The following MICAL3 variants were observed in gnomAD, a reference collection of about 807,000 sequenced individuals.
The protein encoded by MICAL3 is [F-actin]-monooxygenase MICAL3.
A neutral mutation model predicts 207.4 loss-of-function variants in MICAL3; 62 were observed. That is an observed-to-expected ratio of 0.30 (90% CI 0.24 to 0.37). MICAL3 has a LOEUF of 0.37. MICAL3 is among the 10% of genes least tolerant of loss of function. The pLI is 1.00. For missense variants in MICAL3, 2,368 were observed against 2,635.6 expected, an observed-to-expected ratio of 0.90 and a Z score of 2.22; for synonymous variants, 1,077 against 1,069.3, an observed-to-expected ratio of 1.01 and a Z score of -0.14.
intron 1 of MICAL3, among the ~76,000 whole-genome samples, chr22:17,948,353 C>T (rs1366367742): frequency 6.6e-6 from 1 of 152,198 alleles, no homozygotes; most frequent in Admixed American, 6.5e-5. Context: ...TGGACTCCAC[C>T]TCTTGGTAGC....
In MICAL3 at chr22:17,949,368, G is replaced by A. The variant is rs115146452; in HGVS notation, c.-74-42482C>T. 4.2e-3 allele frequency among the ~76,000 whole-genome samples: 642 copies of A among 152,080 alleles called. 4 individuals are homozygous for A. Among genetic ancestry groups the A allele is most frequent in the African/African-American group, 0.014 (599 of 41,454 alleles). ...CCTGCATTATCTCATTTTATCTTCCGAGCAACATTATGAGTATAATGTTAC... is the reference window on the plus strand; with the variant it reads ...CCTGCATTATCTCATTTTATCTTCCAAGCAACATTATGAGTATAATGTTAC... On this transcript the variant is annotated intron_variant, in intron 1 of 31. Coordinates refer to ENST00000441493, the MANE Select transcript of MICAL3 (RefSeq NM_015241.3).
chr22:17,808,762 T>A lies in MICAL3; in HGVS notation c.5650+82A>T. On this transcript the variant is annotated intron_variant, in intron 29 of 31. Transcript: ENST00000441493. ...GCTGGAAAAGGAGCTGAATTCCAGG[T>A]GAGGTGAAGCAAAACTAGCCTACCA... 10 of 1,137,700 alleles carry A rather than the reference T, an allele frequency of 8.8e-6. No homozygotes were observed. The South Asian group carries it at 1.4e-4, about 16-fold the overall frequency. 70.5% of individuals were successfully genotyped at this position (1,137,700 alleles called of 1,614,324 possible). A position where few individuals can be genotyped will look rare whatever the true frequency, so the allele number is the denominator to read the frequency against.
chr22:18,002,667 C>T (rs1012590430), intron 1 of MICAL3, among the ~76,000 whole-genome samples: 6 of 151,954 alleles, frequency 3.9e-5, no homozygotes, highest in African/African-American at 9.7e-5. Context: ...GCGAATTGAA[C>T]CAAATATATC....
chr22:17,820,026 G>A (rs1167112611), intron 25 of MICAL3, among the ~76,000 whole-genome samples: 1 of 151,002 alleles, frequency 6.6e-6, no homozygotes, highest in Non-Finnish European at 1.5e-5. Context: ...CAGCACTTTG[G>A]GAGGCTGAGG....
At chr22:17,864,842 T>C (rs1174138923) in intron 19 of MICAL3, 57 bp downstream of exon 19, 3 of 1,613,812 alleles carry the variant, frequency 1.9e-6, no homozygotes, top group Admixed American at 3.3e-5. Context: ...CCCTTGGCCT[T>C]GTCACAGAGG....
intron 1 of MICAL3, chr22:18,019,805 GATTTTT>G (rs1260141325): frequency 0.053 from 6,719 of 127,938 alleles, 298 homozygotes; most frequent in Non-Finnish European, 0.077. Flanking sequence ...GAATGCTGCT[GATTTTT>G]TTTTTTTTTT....
At chr22:17,843,014 G>A (rs1032048763) in intron 19 of MICAL3, among the ~76,000 whole-genome samples, 2 of 151,610 alleles carry the variant, frequency 1.3e-5, no homozygotes, top group African/African-American at 4.8e-5. Flanking sequence ...CCAGCTACTC[G>A]GGAGGCTGAA....
At chr22:17,926,430 T>G (rs1254795420) in intron 1 of MICAL3, among the ~76,000 whole-genome samples, 3 of 152,222 alleles carry the variant, frequency 2.0e-5, no homozygotes, top group Non-Finnish European at 2.9e-5. Flanking sequence ...TTTATGCCAC[T>G]TTCTAAGTAA....
In MICAL3 at chr22:17,881,246, G is replaced by A. The variant is rs764389769; in HGVS notation, c.2241+4632C>T. On this transcript the variant is annotated intron_variant, in intron 16 of 31. Coordinates refer to ENST00000441493, the MANE Select transcript of MICAL3 (RefSeq NM_015241.3). ...GCCCGACAGGGAGGTGGAGTAGGGG[G>A]AGGAGACAGGGTGATCACTTTTTTG... The A allele has an allele frequency of 5.0e-6, 8 of 1,612,566 alleles. No homozygotes were observed. In the East Asian group the frequency reaches 1.6e-4, roughly 31 times the overall value.
chr22:17,846,414 C>A (rs557216817), intron 19 of MICAL3, among the ~76,000 whole-genome samples: 15 of 152,042 alleles, frequency 9.9e-5, no homozygotes, highest in African/African-American at 3.4e-4. Context: ...AAACCACACG[C>A]ACAAACACAT....
intron 1 of MICAL3, among the ~76,000 whole-genome samples, chr22:17,967,497 C>CACACCCAT: frequency 6.6e-6 from 1 of 151,034 alleles, no homozygotes; most frequent in Admixed American, 6.6e-5. Context: ...CACACACCCA[C>CACACCCAT]ACACACCCAC....
chr22:17,913,005 T>C (rs1450928138), intron 1 of MICAL3, among the ~76,000 whole-genome samples: 2 of 152,354 alleles, frequency 1.3e-5, no homozygotes, highest in South Asian at 2.1e-4. Flanking sequence ...TTTCTTCTAT[T>C]CCTAGTCTGG....
At chr22:17,856,948 C>T (rs924362577) in intron 19 of MICAL3, among the ~76,000 whole-genome samples, 1 of 152,176 alleles carries the variant, frequency 6.6e-6, no homozygotes, top group Non-Finnish European at 1.5e-5. Context: ...AAAGAACCTA[C>T]TGACCTAGTC....
chr22:17,841,683 A>G lies in MICAL3; in HGVS notation c.2801+139T>C. 1.3e-6 allele frequency: 1 copy of G among 787,668 alleles called. No individual in the cohort carries two copies. The highest frequency in any genetic ancestry group is 2.0e-6 in the Non-Finnish European group (1 of 492,184). 48.8% of individuals were successfully genotyped at this position (787,668 alleles called of 1,614,324 possible). On this transcript the variant is annotated intron_variant, in intron 20 of 31. Transcript: ENST00000441493. The surrounding 1 kb of genome is among the most constrained non-coding windows in gnomAD (Gnocchi z 4.2). ...TAGAAGATGAGGCTAAGAACCTAAA[A>G]GGGACTGGGGAGAATGGACTGCGGG... is the stretch of plus-strand genomic sequence containing the variant.
chr22:17,909,328 A>C (rs888814154), intron 1 of MICAL3, among the ~76,000 whole-genome samples: 2 of 152,156 alleles, frequency 1.3e-5, no homozygotes, highest in African/African-American at 4.8e-5. Flanking sequence ...GTTCAAGACC[A>C]GCCTGGCCAA....
rs11541675 is a variant in MICAL3, at chr22:17,817,511, T to A, written c.5150A>T (p.Glu1717Val). 6.0e-5 allele frequency: 97 copies of A among 1,613,612 alleles called. No homozygotes were observed. The Admixed American group carries it at 1.6e-3, about 26-fold the overall frequency. The change falls in exon 26 of 32, where the codon GAG (glutamate) becomes GTG (valine). Residue 1717 changes from glutamate to valine, a missense_variant. By Grantham distance (121) the Glu-to-Val change is moderately radical. Around this residue, in one of 4 missense-constraint regions of MICAL3, gnomAD observed 1,770 missense variants for 1,863.2 expected, o/e 0.95. Coordinates refer to ENST00000441493, the MANE Select transcript of MICAL3 (RefSeq NM_015241.3). Reference sequence around the variant, plus strand: ...GCTGGGCTTCTCCGGGGGCCGGCCCTCGCCTTTGGACTTCTTCTCCTTCTT... The same window carrying A: ...GCTGGGCTTCTCCGGGGGCCGGCCCACGCCTTTGGACTTCTTCTCCTTCTT... Reference protein sequence around the residue: ...RNKKEKKSKGEGRPPEKPSSN... With the variant: ...RNKKEKKSKGVGRPPEKPSSN...
chr22:17,929,086 C>A (rs1933083882), intron 1 of MICAL3, among the ~76,000 whole-genome samples: 2 of 149,390 alleles, frequency 1.3e-5, no homozygotes, highest in South Asian at 4.2e-4. Flanking sequence ...AGCCACGGTG[C>A]CCGGCCCTTT....
rs569073269 is a variant in MICAL3, at chr22:17,868,759, G to A, written c.2429-2747C>T. Among the ~76,000 whole-genome samples, 175 of 152,232 alleles carry A rather than the reference G, an allele frequency of 1.1e-3. No individual in the cohort carries two copies. The South Asian group carries it at 0.036, about 31-fold the overall frequency. On this transcript the variant is annotated intron_variant, in intron 17 of 31. Coordinates refer to ENST00000441493, the MANE Select transcript of MICAL3 (RefSeq NM_015241.3). ...GGGCAAACCCAAGGTCAAGTGGGCC[G>A]TTCATTCATTCATTCACCCAGGCCC...
At chr22:17,945,974 C>T (rs1420969815) in intron 1 of MICAL3, among the ~76,000 whole-genome samples, 1 of 152,106 alleles carries the variant, frequency 6.6e-6, no homozygotes, top group South Asian at 2.1e-4. Context: ...CAGAGGGATC[C>T]GAAAGCAATC....
Sources: allele counts gnomAD v4.1 joint callset (sites outside exome capture counted in the v4.1 genomes callset), GRCh38; gene constraint gnomAD v4.1.1; regional missense constraint gnomAD v4.1.1; non-coding constraint Gnocchi (gnomAD v3.1); transcripts MANE v1.5; gene names NCBI Gene and HGNC (gene_info 2026-07-23, HGNC 2026-07-21).